LRMDA: variants seen among roughly 807,000 people sequenced by gnomAD.
LRMDA encodes the protein leucine-rich melanocyte differentiation-associated protein.
In LRMDA, 18 loss-of-function variants were observed where a neutral mutation model predicts 29.8. The observed-to-expected ratio is 0.60, with a 90% confidence interval of 0.42 to 0.90. The LOEUF (loss-of-function observed/expected upper bound fraction) is 0.90. Among genes scored for constraint, LRMDA ranks in the 40% least tolerant of loss-of-function variants. The pLI is 0.00. For missense variants in LRMDA, 273 were observed against 273.9 expected, an observed-to-expected ratio of 1.00 and a Z score of 0.02; for synonymous variants, 125 against 109.4, an observed-to-expected ratio of 1.14 and a Z score of -0.89.
chr10:76,031,864 C>T (rs1477844896), intron 2 of LRMDA, among the ~76,000 whole-genome samples: 2 of 152,186 alleles, frequency 1.3e-5, no homozygotes, highest in African/African-American at 4.8e-5. Context: ...CCCAAAGAGA[C>T]AGATGCTTTT....
At chr10:75,606,187 AAGT>A (rs142300757) in intron 2 of LRMDA, among the ~76,000 whole-genome samples, 16,042 of 152,056 alleles carry the variant, frequency 0.11, 2,618 homozygotes, top group African/African-American at 0.35. Flanking sequence ...AAGATAAGTA[AAGT>A]TCACTGCTGG....
chr10:76,146,749 G>T (rs2132158809), intron 5 of LRMDA, among the ~76,000 whole-genome samples: 1 of 152,186 alleles, frequency 6.6e-6, no homozygotes, highest in East Asian at 1.9e-4. Context: ...TGGTTATTTT[G>T]CTTGTTAGTT....
At chr10:75,535,801 C>T (rs1839937964) in intron 2 of LRMDA, among the ~76,000 whole-genome samples, 2 of 152,162 alleles carry the variant, frequency 1.3e-5, no homozygotes, top group African/African-American at 4.8e-5. Flanking sequence ...GTTCCGGATG[C>T]CCCCTGCCCT....
At chr10:75,998,324 C>A (rs1184646000) in intron 2 of LRMDA, among the ~76,000 whole-genome samples, 1 of 152,080 alleles carries the variant, frequency 6.6e-6, no homozygotes, top group Non-Finnish European at 1.5e-5. Flanking sequence ...GACTTACTTC[C>A]CATTGTTTTT....
At chr10:75,605,889 G>A (rs1427027273) in intron 2 of LRMDA, among the ~76,000 whole-genome samples, 9 of 152,118 alleles carry the variant, frequency 5.9e-5, no homozygotes, top group Non-Finnish European at 1.3e-4. Flanking sequence ...ACGGGGTCTT[G>A]CTCTGTCACT....
intron 2 of LRMDA, among the ~76,000 whole-genome samples, chr10:76,033,336 G>C (rs1312559497): frequency 6.6e-6 from 1 of 152,116 alleles, no homozygotes; most frequent in African/African-American, 2.4e-5. Context: ...AGCTAATAAC[G>C]TCACATAGCA....
intron 5 of LRMDA, among the ~76,000 whole-genome samples, chr10:76,184,015 C>T (rs1326234948): frequency 6.6e-6 from 1 of 151,538 alleles, no homozygotes; most frequent in East Asian, 2.0e-4. Context: ...AGCCACCCCA[C>T]CCGGCCCTAC....
intron 6 of LRMDA, among the ~76,000 whole-genome samples, chr10:76,389,720 A>G (rs953317108): frequency 6.1e-5 from 9 of 148,424 alleles, no homozygotes; most frequent in African/African-American, 2.6e-5. Context: ...AATGAAATTA[A>G]TATTATGTGG....
chr10:75,534,489 G>C (rs1048134002), intron 2 of LRMDA, among the ~76,000 whole-genome samples: 3 of 152,160 alleles, frequency 2.0e-5, no homozygotes, highest in African/African-American at 7.2e-5. Flanking sequence ...TATTTGGCAG[G>C]GGGGGATTCT....
intron 6 of LRMDA, among the ~76,000 whole-genome samples, chr10:76,392,510 A>T (rs919950955): frequency 1.5e-4 from 23 of 152,076 alleles, no homozygotes; most frequent in Non-Finnish European, 2.6e-4. Flanking sequence ...TATACTTACC[A>T]GCTGAGCATC....
At chr10:76,225,076 T>G (rs1314178522) in intron 5 of LRMDA, among the ~76,000 whole-genome samples, 1 of 151,910 alleles carries the variant, frequency 6.6e-6, no homozygotes, top group Non-Finnish European at 1.5e-5. Context: ...TGTGCTATGG[T>G]TTGGAAATAT....
At chr10:75,675,478 C>T (rs59235331) in intron 2 of LRMDA, among the ~76,000 whole-genome samples, 5,657 of 152,266 alleles carry the variant, frequency 0.037, 257 homozygotes, top group African/African-American at 0.11. Flanking sequence ...CTATGAAAAG[C>T]AGTCCTGTGG....
At chr10:76,074,725 G>A (rs988192962) in intron 5 of LRMDA, among the ~76,000 whole-genome samples, 5 of 152,178 alleles carry the variant, frequency 3.3e-5, no homozygotes, top group Non-Finnish European at 7.3e-5. Context: ...TTTGGAGCTG[G>A]TGTCAGCCTG....
chr10:75,747,361 A>C (rs1159232757), intron 2 of LRMDA, among the ~76,000 whole-genome samples: 1 of 152,222 alleles, frequency 6.6e-6, no homozygotes, highest in Non-Finnish European at 1.5e-5. Flanking sequence ...TATTCAAATA[A>C]ATTTTGCCTC....
At chr10:75,915,249 C>T (rs1443677113) in intron 2 of LRMDA, among the ~76,000 whole-genome samples, 2 of 150,216 alleles carry the variant, frequency 1.3e-5, no homozygotes, top group Non-Finnish European at 2.9e-5. Flanking sequence ...AATTCTCCTG[C>T]CTCAGCCTCC....
intron 6 of LRMDA, among the ~76,000 whole-genome samples, chr10:76,371,862 G>A (rs1372825861): frequency 2.0e-5 from 3 of 152,042 alleles, no homozygotes; most frequent in East Asian, 3.9e-4. Context: ...TGATTTGGAC[G>A]CTTATCACTA....
In LRMDA at chr10:76,480,934, C is replaced by T. The variant is rs369485156; in HGVS notation, c.602-76275C>T. Reference sequence around the variant, plus strand: ...AAGTCCTGCCATTGGGACAGCGACTCAATGGTATGAATAATAGGATGAAAA... The same window carrying T: ...AAGTCCTGCCATTGGGACAGCGACTTAATGGTATGAATAATAGGATGAAAA... On this transcript the variant is annotated intron_variant, in intron 6 of 6. Coordinates refer to ENST00000611255, the MANE Select transcript of LRMDA (RefSeq NM_001305581.2). Among the ~76,000 whole-genome samples, 175 of 151,862 alleles carry T rather than the reference C, an allele frequency of 1.2e-3. 1 individual carries two copies. Among genetic ancestry groups the T allele is most frequent in the African/African-American group, 4.0e-3 (167 of 41,474 alleles).
intron 6 of LRMDA, among the ~76,000 whole-genome samples, chr10:76,471,369 A>G (rs989314840): frequency 7.9e-5 from 12 of 151,818 alleles, no homozygotes; most frequent in African/African-American, 2.7e-4. Flanking sequence ...TTAAGTTAGC[A>G]TATATCTGAA....
At chr10:75,481,497 A>G (rs1053256906) in intron 2 of LRMDA, among the ~76,000 whole-genome samples, 3 of 152,206 alleles carry the variant, frequency 2.0e-5, no homozygotes, top group Admixed American at 1.3e-4. Flanking sequence ...TTTTCTGTCC[A>G]CATAATGTCC....
Sources: allele counts gnomAD v4.1 joint callset (sites outside exome capture counted in the v4.1 genomes callset), GRCh38; gene constraint gnomAD v4.1.1; transcripts MANE v1.5; gene names NCBI Gene and HGNC (gene_info 2026-07-23, HGNC 2026-07-21).